SCAMP1: variants seen among roughly 807,000 people sequenced by gnomAD.
The protein encoded by SCAMP1 is secretory carrier membrane protein 1.
Under a neutral mutation model 41.8 loss-of-function variants are expected in SCAMP1, and 15 were observed. The ratio of observed to expected loss-of-function variants is 0.36; its 90% CI spans 0.24 to 0.55. The LOEUF (loss-of-function observed/expected upper bound fraction) is 0.55. Among genes scored for constraint, SCAMP1 ranks in the 20% least tolerant of loss-of-function variants. The pLI is 0.86. For missense variants in SCAMP1, 341 were observed against 412.6 expected, an observed-to-expected ratio of 0.83 and a Z score of 1.50; for synonymous variants, 135 against 136.8, an observed-to-expected ratio of 0.99 and a Z score of 0.09.
intron 8 of SCAMP1, among the ~76,000 whole-genome samples, chr5:78,459,652 CTA>C (rs1366769477): frequency 2.0e-5 from 3 of 151,940 alleles, no homozygotes; most frequent in Admixed American, 6.6e-5. Flanking sequence ...TAAATATACT[CTA>C]AATTTCTTTT....
At chr5:78,471,049 T>G (rs1407420608) in intron 8 of SCAMP1, among the ~76,000 whole-genome samples, 1 of 152,190 alleles carries the variant, frequency 6.6e-6, no homozygotes, top group East Asian at 1.9e-4. Flanking sequence ...TGGCTTCTAC[T>G]GCAGATTACT....
Position 78,363,002 on chromosome 5 carries a change from C to A in SCAMP1, c.57+2274C>A, listed in dbSNP as rs150009659. ...CTGCCTCCCGTGTTCAAGTGATTCT[C>A]CTGCCTCAACCTCCCTAGTAGCTGG... On this transcript the variant is annotated intron_variant, in intron 1 of 8. Coordinates refer to ENST00000621999, the MANE Select transcript of SCAMP1 (RefSeq NM_004866.6). 3.3e-3 allele frequency among the ~76,000 whole-genome samples: 502 copies of A among 150,528 alleles called. 4 individuals are homozygous for A. The highest frequency in any genetic ancestry group is 0.012 in the African/African-American group (479 of 41,014).
At chr5:78,391,521 G>A (rs1301689042) in intron 2 of SCAMP1, among the ~76,000 whole-genome samples, 1 of 151,918 alleles carries the variant, frequency 6.6e-6, no homozygotes, top group Non-Finnish European at 1.5e-5. Flanking sequence ...CTTCCCAGAC[G>A]GGGTGGCTGC....
At chr5:78,458,904 A>G (rs1753508118) in intron 7 of SCAMP1, among the ~76,000 whole-genome samples, 1 of 152,208 alleles carries the variant, frequency 6.6e-6, no homozygotes, top group Non-Finnish European at 1.5e-5. Flanking sequence ...TAATAAATTC[A>G]AAACTCATAA....
At chr5:78,361,623 A>C (rs188080314) in intron 1 of SCAMP1, among the ~76,000 whole-genome samples, 16 of 152,392 alleles carry the variant, frequency 1.0e-4, no homozygotes, top group Non-Finnish European at 2.2e-4. Flanking sequence ...AATGAATGCA[A>C]CATCTAAATA....
intron 1 of SCAMP1, among the ~76,000 whole-genome samples, chr5:78,369,956 G>A (rs1021055909): frequency 2.0e-5 from 3 of 152,234 alleles, no homozygotes; most frequent in African/African-American, 4.8e-5. Flanking sequence ...TGGAATAGCA[G>A]TTATCTCACT....
At chr5:78,459,596 C>CT (rs369196015) in intron 8 of SCAMP1, among the ~76,000 whole-genome samples, 2 of 151,968 alleles carry the variant, frequency 1.3e-5, no homozygotes, top group African/African-American at 4.8e-5. Context: ...TAACTGAAGG[C>CT]TTTCATGAGT....
chr5:78,399,075 A>T (rs2112106308), intron 2 of SCAMP1, among the ~76,000 whole-genome samples: 1 of 152,314 alleles, frequency 6.6e-6, no homozygotes, highest in East Asian at 1.9e-4. Flanking sequence ...TACATAATGT[A>T]GCCTTTCAGA....
chr5:78,389,407 C>T (rs1161020013), intron 2 of SCAMP1, among the ~76,000 whole-genome samples: 3 of 151,986 alleles, frequency 2.0e-5, no homozygotes, highest in Admixed American at 1.3e-4. Context: ...GCATATTTTT[C>T]CCCTCAAAAT....
intron 6 of SCAMP1, 121 bp from the exon 7 acceptor site, chr5:78,449,812 C>T (rs1406318434): frequency 5.1e-6 from 3 of 584,482 alleles, no homozygotes; most frequent in Non-Finnish European, 8.7e-6. Context: ...TTTGTTTGTG[C>T]TTTTAAGGTT....
chr5:78,438,564 T>C (rs925952124), intron 6 of SCAMP1, among the ~76,000 whole-genome samples: 29 of 152,260 alleles, frequency 1.9e-4, no homozygotes, highest in Admixed American at 6.5e-4. Flanking sequence ...TTTGATTGCA[T>C]TGTGGTCTGA....
chr5:78,397,741 C>T (rs1193545508), intron 2 of SCAMP1, among the ~76,000 whole-genome samples: 7 of 152,122 alleles, frequency 4.6e-5, no homozygotes, highest in Non-Finnish European at 1.0e-4. Flanking sequence ...ACCAACATGG[C>T]AAAACCCCAT....
intron 6 of SCAMP1, among the ~76,000 whole-genome samples, chr5:78,422,364 A>G (rs1248032272): frequency 6.6e-6 from 1 of 151,862 alleles, no homozygotes; most frequent in Non-Finnish European, 1.5e-5. Flanking sequence ...TATACATGCA[A>G]TATTTAAAAT....
intron 2 of SCAMP1, among the ~76,000 whole-genome samples, chr5:78,394,022 C>T (rs1249811127): frequency 1.3e-5 from 2 of 152,066 alleles, no homozygotes; most frequent in Non-Finnish European, 2.9e-5. Context: ...TGTTTCTTTT[C>T]GTTAGGGATT....
chr5:78,423,012 GCGCGCACA>G lies in SCAMP1; in HGVS notation c.632+1054_632+1061del, dbSNP rs1310014982. Among the ~76,000 whole-genome samples the G allele has an allele frequency of 1.1e-3, 171 of 150,928 alleles. 2 individuals carry two copies. Among genetic ancestry groups the G allele is most frequent in the African/African-American group, 4.1e-3 (167 of 41,062 alleles). On this transcript the variant is annotated intron_variant, in intron 6 of 8. Coordinates refer to ENST00000621999, the MANE Select transcript of SCAMP1 (RefSeq NM_004866.6). ...TAACCAGAATGTGTAACACACGCGC[GCGCGCACA>G]CACACACACACACACACACACACAC... is the stretch of plus-strand genomic sequence containing the variant.
chr5:78,476,384 A>T lies in SCAMP1; in HGVS notation c.*716A>T, dbSNP rs1754005743. 1.3e-5 allele frequency: 2 copies of T among 152,446 alleles called. No homozygotes were observed. Among genetic ancestry groups the T allele is most frequent in the East Asian group, 3.8e-4 (2 of 5,200 alleles). The allele number at this position is 152,446 out of a possible 1,614,324, so 9.4% of individuals were successfully genotyped here. ...ATTCTGCAAGAATTTCTTTTAAATA[A>T]AAAGTTTGGGGGTGCAATATAAGAA... is the stretch of plus-strand genomic sequence containing the variant. On this transcript the variant is annotated 3_prime_UTR_variant, in exon 9 of 9. Transcript: ENST00000621999.
chr5:78,431,368 T>C (rs1291307197), intron 6 of SCAMP1, among the ~76,000 whole-genome samples: 1 of 151,752 alleles, frequency 6.6e-6, no homozygotes, highest in African/African-American at 2.4e-5. Context: ...ACTTTATATA[T>C]GAAGTTGACA....
intron 1 of SCAMP1, among the ~76,000 whole-genome samples, chr5:78,369,432 G>C (rs1750886719): frequency 6.6e-6 from 1 of 152,114 alleles, no homozygotes; most frequent in Non-Finnish European, 1.5e-5. Context: ...TATCAAGTAA[G>C]TTTGCAGTGT....
intron 6 of SCAMP1, among the ~76,000 whole-genome samples, chr5:78,423,032 A>ATG (rs1752380224): frequency 1.6e-5 from 1 of 64,226 alleles, no homozygotes; most frequent in Non-Finnish European, 5.9e-5. Context: ...ACACACACAC[A>ATG]CACACACACA....
Sources: gnomAD v4.1 joint callset for allele counts (sites outside exome capture counted in the v4.1 genomes callset) on GRCh38, gnomAD v4.1.1 for gene constraint, MANE v1.5 for transcripts, NCBI Gene and HGNC (gene_info 2026-07-23, HGNC 2026-07-21) for gene names.